The following FOXK1 variants were observed in gnomAD, a reference collection of about 807,000 sequenced individuals.
FOXK1 encodes the protein forkhead box K1.
Under a neutral mutation model 51.9 loss-of-function variants are expected in FOXK1, and 19 were observed. That is an observed-to-expected ratio of 0.37 (90% CI 0.26 to 0.54). The LOEUF is 0.54. FOXK1 is among the 20% of genes least tolerant of loss of function. The pLI, the probability that FOXK1 is intolerant of heterozygous loss-of-function variation, is 0.87. For missense variants in FOXK1, 870 were observed against 1,032.7 expected (o/e 0.84, Z 2.16); for synonymous variants, 537 against 482.6 (o/e 1.11, Z -1.48).
chr7:4,765,632 T>A lies in FOXK1; in HGVS notation c.*3168T>A, dbSNP rs1350626766. 2.0e-5 allele frequency: 3 copies of A among 152,318 alleles called. No homozygotes were observed. Among genetic ancestry groups the A allele is most frequent in the Non-Finnish European group, 2.9e-5 (2 of 68,136 alleles). The allele number at this position is 152,318 out of a possible 1,614,324, so 9.4% of individuals were successfully genotyped here. On this transcript the variant is annotated 3_prime_UTR_variant, in exon 9 of 9. Transcript: ENST00000328914. ...GACTGGGGGCACGGTCCACAGCGGA[T>A]GAGAACAGCAGGTCACAGTAGTGGC...
rs1781026105 is a variant in FOXK1, at chr7:4,767,310, T to C, written c.*4846T>C. 6.6e-6 allele frequency: 1 copy of C among 152,256 alleles called. No individual in the cohort carries two copies. Among genetic ancestry groups the C allele is most frequent in the Non-Finnish European group, 1.5e-5 (1 of 68,054 alleles). The allele number at this position is 152,256 out of a possible 1,614,324, so 9.4% of individuals were successfully genotyped here. ...GTTACGAAACATGATCGTCAGGCTC[T>C]TTGCAAACGCAGAGCCCCAGAACGC... On this transcript the variant is annotated 3_prime_UTR_variant, in exon 9 of 9. Coordinates refer to ENST00000328914, the MANE Select transcript of FOXK1 (RefSeq NM_001037165.2). This position sits in a 1 kb window ranked among gnomAD's most constrained non-coding sequence, Gnocchi z 6.6.
intron 1 of FOXK1, among the ~76,000 whole-genome samples, chr7:4,736,601 AG>A (rs746943900): frequency 6.6e-6 from 1 of 151,674 alleles, no homozygotes; most frequent in Non-Finnish European, 1.5e-5. Flanking sequence ...TTTAGTAGAG[AG>A]GGGGGTTTTG....
chr7:4,752,137 CTTTG>C (rs1259601774), intron 2 of FOXK1, among the ~76,000 whole-genome samples: 6 of 152,094 alleles, frequency 3.9e-5, no homozygotes, highest in Non-Finnish European at 8.8e-5. Context: ...AATGTTAAAA[CTTTG>C]TTTATTTATG....
intron 7 of FOXK1, 182 bp downstream of exon 7, chr7:4,759,777 T>A: frequency 1.3e-6 from 1 of 784,874 alleles, no homozygotes; most frequent in Non-Finnish European, 2.0e-6. Context: ...ATGCTTATAA[T>A]CCCAGTGCTT....
intron 1 of FOXK1, among the ~76,000 whole-genome samples, chr7:4,726,035 C>T (rs1446937122): frequency 3.3e-5 from 5 of 150,382 alleles, no homozygotes; most frequent in Non-Finnish European, 5.9e-5. Flanking sequence ...TTTTAAGCAG[C>T]GAAGACCTTT....
At chr7:4,714,635 A>T (rs938811485) in intron 1 of FOXK1, among the ~76,000 whole-genome samples, 5 of 152,252 alleles carry the variant, frequency 3.3e-5, no homozygotes, top group Non-Finnish European at 7.3e-5. Context: ...GTGTCAAAGT[A>T]GGAGTGCGTG....
intron 1 of FOXK1, among the ~76,000 whole-genome samples, chr7:4,720,007 C>T (rs944528041): frequency 1.3e-5 from 2 of 152,118 alleles, no homozygotes; most frequent in Non-Finnish European, 2.9e-5. Flanking sequence ...TGATGACGTC[C>T]GATGTGTTGA....
chr7:4,703,287 G>A lies in FOXK1; in HGVS notation c.560+20419G>A, dbSNP rs1471554001. 2.0e-5 allele frequency among the ~76,000 whole-genome samples: 3 copies of A among 152,228 alleles called. No individual in the cohort carries two copies. Among genetic ancestry groups the A allele is most frequent in the Non-Finnish European group, 4.4e-5 (3 of 68,032 alleles). On this transcript the variant is annotated intron_variant, in intron 1 of 8. Transcript: ENST00000328914. The surrounding 1 kb of genome is among the most constrained non-coding windows in gnomAD (Gnocchi z 5.6). Reference sequence around the variant, plus strand: ...CCATTGGGCCTCTCCGCTCTGGGGTGAGGGGAGGGAGGGGGAGGACCCGAG... The same window carrying A: ...CCATTGGGCCTCTCCGCTCTGGGGTAAGGGGAGGGAGGGGGAGGACCCGAG...
intron 1 of FOXK1, among the ~76,000 whole-genome samples, chr7:4,739,851 T>C (rs1780608521): frequency 6.6e-6 from 1 of 152,186 alleles, no homozygotes; most frequent in Non-Finnish European, 1.5e-5. Flanking sequence ...CAGTGTGTCA[T>C]TTGAGAGGTG....
chr7:4,694,367 G>A (rs1314712823), intron 1 of FOXK1, among the ~76,000 whole-genome samples: 1 of 151,974 alleles, frequency 6.6e-6, no homozygotes, highest in Non-Finnish European at 1.5e-5. Context: ...AGTCTGATAG[G>A]AACTCTTGGA....
At chr7:4,708,989 C>T (rs941111091) in intron 1 of FOXK1, among the ~76,000 whole-genome samples, 5 of 149,024 alleles carry the variant, frequency 3.4e-5, no homozygotes, top group South Asian at 2.1e-4. Flanking sequence ...TGCCTGAATC[C>T]GAGAGGTGGA....
chr7:4,737,567 T>TGTGTGTGC (rs1346032650), intron 1 of FOXK1, among the ~76,000 whole-genome samples: 1 of 151,694 alleles, frequency 6.6e-6, no homozygotes, highest in African/African-American at 2.4e-5. Context: ...TGTGTGTGTG[T>TGTGTGTGC]GTGTGTGCAT....
chr7:4,722,958 C>G lies in FOXK1; in HGVS notation c.561-17880C>G, dbSNP rs1340856848. ...GCAGGGCAGTTATTGTAGGAAGAAC[C>G]CCCAGGAGCAGGTGGCCGACGCAGG... On this transcript the variant is annotated intron_variant, in intron 1 of 8. Coordinates refer to ENST00000328914, the MANE Select transcript of FOXK1 (RefSeq NM_001037165.2). The surrounding 1 kb of genome is among the most constrained non-coding windows in gnomAD (Gnocchi z 5.1). Among the ~76,000 whole-genome samples, 1 of 152,006 alleles carries G rather than the reference C, an allele frequency of 6.6e-6. No homozygotes were observed. Among genetic ancestry groups the G allele is most frequent in the Non-Finnish European group, 1.5e-5 (1 of 68,016 alleles).
Position 4,682,939 on chromosome 7 carries a change from C to T in FOXK1, c.560+71C>T, listed in dbSNP as rs1416728450. 7.4e-6 allele frequency: 10 copies of T among 1,352,216 alleles called. No homozygotes were observed. Among genetic ancestry groups the T allele is most frequent in the Non-Finnish European group, 9.7e-6 (10 of 1,035,334 alleles). The allele number at this position is 1,352,216 out of a possible 1,614,324, so 83.8% of individuals were successfully genotyped here. On this transcript the variant is annotated intron_variant, in intron 1 of 8. Coordinates refer to ENST00000328914, the MANE Select transcript of FOXK1 (RefSeq NM_001037165.2). The surrounding 1 kb of genome is among the most constrained non-coding windows in gnomAD (Gnocchi z 7.6). ...ACGACCTCGATCTCTGAGGCCCGGG[C>T]CTGGGGATCCCCCTCCAGCTTCCTC...
intron 1 of FOXK1, among the ~76,000 whole-genome samples, chr7:4,714,258 A>T (rs910184903): frequency 1.3e-5 from 2 of 152,094 alleles, no homozygotes; most frequent in Non-Finnish European, 1.5e-5. Context: ...TCATCTTTTC[A>T]TGTTGACCCT....
At chr7:4,696,286 T>A (rs997758028) in intron 1 of FOXK1, among the ~76,000 whole-genome samples, 1 of 152,054 alleles carries the variant, frequency 6.6e-6, no homozygotes, top group African/African-American at 2.4e-5. Flanking sequence ...AGCTTGCTGA[T>A]GTAGGGGAAA....
At chr7:4,684,936 C>T (rs777765736) in intron 1 of FOXK1, among the ~76,000 whole-genome samples, 31 of 151,712 alleles carry the variant, frequency 2.0e-4, no homozygotes, top group Non-Finnish European at 4.0e-4. Flanking sequence ...GTATACAGTC[C>T]TTGCACATTT....
chr7:4,712,631 T>C (rs1780189044), intron 1 of FOXK1, among the ~76,000 whole-genome samples: 1 of 152,228 alleles, frequency 6.6e-6, no homozygotes, highest in Non-Finnish European at 1.5e-5. Context: ...TCGAAAAGAC[T>C]GGTCATGTTT....
intron 1 of FOXK1, among the ~76,000 whole-genome samples, chr7:4,687,954 AC>A (rs556631946): frequency 3.9e-4 from 60 of 152,082 alleles, no homozygotes; most frequent in Non-Finnish European, 6.5e-4. Flanking sequence ...TTAGTCTGGA[AC>A]TCCTGCTCTC....
Sources: allele counts gnomAD v4.1 joint callset (sites outside exome capture counted in the v4.1 genomes callset), GRCh38; gene constraint gnomAD v4.1.1; non-coding constraint Gnocchi (gnomAD v3.1); transcripts MANE v1.5; gene names NCBI Gene and HGNC (gene_info 2026-07-23, HGNC 2026-07-21).